PTBP2: variants seen among roughly 807,000 people sequenced by gnomAD.
PTBP2 encodes the protein polypyrimidine tract-binding protein 2.
PTBP2 carries 13 observed loss-of-function variants against 61.4 expected under a neutral mutation model. That is an observed-to-expected ratio of 0.21 (90% CI 0.14 to 0.34). The LOEUF is 0.34. Among genes scored for constraint, PTBP2 ranks in the 10% least tolerant of loss-of-function variants. PTBP2 has a pLI of 1.00. For synonymous variants in PTBP2, 215 were observed against 218.5 expected, an observed-to-expected ratio of 0.98 and a Z score of 0.14; for missense variants, 405 against 642.6, an observed-to-expected ratio of 0.63 and a Z score of 4.00.
chr1:96,762,701 C>T (rs1003367511), intron 3 of PTBP2, among the ~76,000 whole-genome samples: 6 of 150,378 alleles, frequency 4.0e-5, no homozygotes, highest in Non-Finnish European at 5.9e-5. Context: ...CTGGATGGGG[C>T]GGCTGGCCTG....
Position 96,785,274 on chromosome 1 carries a change from AAC to A in PTBP2, c.904+21_904+22del. 6.6e-7 allele frequency: 1 copy of A among 1,519,052 alleles called. No individual in the cohort carries two copies. Among genetic ancestry groups the A allele is most frequent in the Non-Finnish European group, 8.8e-7 (1 of 1,137,128 alleles). The allele number at this position is 1,519,052 out of a possible 1,614,324, so 94.1% of individuals were successfully genotyped here. A position where few individuals can be genotyped will look rare whatever the true frequency, so the allele number is the denominator to read the frequency against. ...TCTTAGGTATGATTTTTATTGTCTT[AAC>A]CACTTTTCTCCCATTTTGCCAAATG... On this transcript the variant is annotated intron_variant, in intron 8 of 13. Coordinates refer to ENST00000674951, the MANE Select transcript of PTBP2 (RefSeq NM_021190.4).
chr1:96,813,422 AT>A lies in PTBP2; in HGVS notation c.*19del. The A allele has an allele frequency of 6.4e-7, 1 of 1,568,414 alleles. No individual in the cohort carries two copies. The highest frequency in any genetic ancestry group is 8.7e-7 in the Non-Finnish European group (1 of 1,155,018). The stretch of plus-strand genomic sequence containing the variant: ...ACAATTTAAAAATGGGAAGATGAAG[AT>A]TGGGGGTGAATCACATTGTTCAATG... On this transcript the variant is annotated 3_prime_UTR_variant, in exon 14 of 14. Coordinates refer to ENST00000674951, the MANE Select transcript of PTBP2 (RefSeq NM_021190.4).
chr1:96,780,395 A>G (rs1658522579), intron 7 of PTBP2, among the ~76,000 whole-genome samples: 1 of 151,912 alleles, frequency 6.6e-6, no homozygotes, highest in Non-Finnish European at 1.5e-5. Flanking sequence ...GACTTCTTAA[A>G]TAGTCTATCT....
chr1:96,766,299 A>G (rs1157893123), intron 3 of PTBP2, among the ~76,000 whole-genome samples: 1 of 152,274 alleles, frequency 6.6e-6, no homozygotes, highest in Non-Finnish European at 1.5e-5. Flanking sequence ...TTACATTCAT[A>G]TACAATGAAT....
intron 7 of PTBP2, among the ~76,000 whole-genome samples, chr1:96,779,957 A>G (rs530297943): frequency 6.6e-6 from 1 of 152,030 alleles, no homozygotes; most frequent in African/African-American, 2.4e-5. Flanking sequence ...ATCTCTTCCC[A>G]TTTCTTCAGT....
chr1:96,786,293 A>G (rs1659194640), intron 8 of PTBP2, among the ~76,000 whole-genome samples: 1 of 152,174 alleles, frequency 6.6e-6, no homozygotes, highest in South Asian at 2.1e-4. Context: ...ACTAATAAGA[A>G]TTAACTACCT....
intron 3 of PTBP2, among the ~76,000 whole-genome samples, chr1:96,762,025 AG>A (rs1655946607): frequency 6.6e-6 from 1 of 151,154 alleles, no homozygotes; most frequent in Non-Finnish European, 1.5e-5. Flanking sequence ...GAGTGGACAC[AG>A]CACATGTTTC....
chr1:96,806,318 G>C, intron 9 of PTBP2, 101 bp from the exon 10 acceptor site: 1 of 982,868 alleles, frequency 1.0e-6, no homozygotes, highest in Non-Finnish European at 1.6e-6. Context: ...TCACCATTCT[G>C]CGGGAACCAC....
intron 5 of PTBP2, among the ~76,000 whole-genome samples, chr1:96,773,055 G>C (rs1447943214): frequency 6.6e-6 from 1 of 150,996 alleles, no homozygotes; most frequent in Non-Finnish European, 1.5e-5. Flanking sequence ...ACCCGGGGGG[G>C]TGGAGCTTGC....
chr1:96,740,205 T>A (rs1652817260), intron 2 of PTBP2, among the ~76,000 whole-genome samples: 1 of 152,150 alleles, frequency 6.6e-6, no homozygotes, highest in Non-Finnish European at 1.5e-5. Context: ...TACCATAGAC[T>A]GAGTGACTTA....
chr1:96,763,094 C>T (rs1340375949), intron 3 of PTBP2, among the ~76,000 whole-genome samples: 1 of 151,246 alleles, frequency 6.6e-6, no homozygotes, highest in African/African-American at 2.4e-5. Context: ...TCTTTCCAGA[C>T]TGGGCAGCCA....
chr1:96,735,148 C>T (rs957960679), intron 2 of PTBP2, among the ~76,000 whole-genome samples: 1 of 152,030 alleles, frequency 6.6e-6, no homozygotes, highest in African/African-American at 2.4e-5. Context: ...GAACTCCTGA[C>T]CTCAAGTGAT....
intron 5 of PTBP2, among the ~76,000 whole-genome samples, chr1:96,773,855 CGGGAGGCT>C (rs551438210): frequency 1.8e-3 from 266 of 150,254 alleles, no homozygotes; most frequent in Non-Finnish European, 2.7e-3. Flanking sequence ...CCCAGCTACT[CGGGAGGCT>C]GAGGCAGGAG....
At chr1:96,746,742 A>T (rs555197498) in intron 2 of PTBP2, among the ~76,000 whole-genome samples, 177 of 145,282 alleles carry the variant, frequency 1.2e-3, no homozygotes, top group African/African-American at 4.5e-3. Flanking sequence ...ACAGTTACTG[A>T]TTGTCTTTTG....
intron 2 of PTBP2, 192 bp from the exon 3 acceptor site, chr1:96,751,233 A>AC (rs1654498839): frequency 3.0e-6 from 2 of 667,500 alleles, no homozygotes; most frequent in South Asian, 3.1e-5. Flanking sequence ...AGGGAAGGGA[A>AC]CACTGTTGCC....
chr1:96,789,201 G>A (rs1472194274), intron 8 of PTBP2, among the ~76,000 whole-genome samples: 1 of 151,898 alleles, frequency 6.6e-6, no homozygotes, highest in South Asian at 2.1e-4. Context: ...AGCTTTCCTT[G>A]TATTTCAAAT....
intron 8 of PTBP2, among the ~76,000 whole-genome samples, chr1:96,800,241 A>G (rs1035051543): frequency 1.3e-5 from 2 of 152,128 alleles, no homozygotes; most frequent in African/African-American, 4.8e-5. Context: ...TGGGGACCTC[A>G]CACCTTGTAT....
At chr1:96,820,005 T>C (rs1317205099), downstream of PTBP2, 1 of 152,000 alleles carries the variant, frequency 6.6e-6, no homozygotes, top group Non-Finnish European at 1.5e-5. Flanking sequence ...TTTGGAGTTT[T>C]ATAGTGTAAT....
chr1:96,790,630 C>A (rs1659692615), intron 8 of PTBP2, among the ~76,000 whole-genome samples: 1 of 152,124 alleles, frequency 6.6e-6, no homozygotes, highest in Non-Finnish European at 1.5e-5. Context: ...TAAATTCTTG[C>A]ATTTGTTTGC....
Sources: allele counts gnomAD v4.1 joint callset (sites outside exome capture counted in the v4.1 genomes callset), GRCh38; gene constraint gnomAD v4.1.1; transcripts MANE v1.5; gene names NCBI Gene and HGNC (gene_info 2026-07-23, HGNC 2026-07-21).